Variants in DIP2C observed in about 807,000 individuals in gnomAD.
DIP2C encodes disco-interacting protein 2 homolog C.
Under a neutral mutation model 192.4 loss-of-function variants are expected in DIP2C, and 33 were observed. The ratio of observed to expected loss-of-function variants is 0.17; its 90% CI spans 0.13 to 0.23. DIP2C has a LOEUF of 0.23. Among genes scored for constraint, DIP2C ranks in the 10% least tolerant of loss-of-function variants. The pLI is 1.00. For synonymous variants in DIP2C, 979 were observed against 864.1 expected, an observed-to-expected ratio of 1.13 and a Z score of -2.33; for missense variants, 1,537 against 2,110.1, an observed-to-expected ratio of 0.73 and a Z score of 5.32.
chr10:559,321 G>GGGGGGAACGCC (rs1849069325), intron 1 of DIP2C, among the ~76,000 whole-genome samples: 2 of 133,298 alleles, frequency 1.5e-5, no homozygotes, highest in Admixed American at 1.4e-4. Flanking sequence ...CATGGGGGCG[G>GGGGGGAACGCC]TGGGGAACGC....
rs1564255430 is a variant in DIP2C, at chr10:603,331, AAAC to A, written c.85+86160_85+86162del. 1.2e-4 allele frequency among the ~76,000 whole-genome samples: 15 copies of A among 129,434 alleles called. 1 individual carries two copies. Among genetic ancestry groups the A allele is most frequent in the African/African-American group, 4.5e-4 (14 of 30,860 alleles). The allele number at this position is 129,434 out of a possible 152,430, so 84.9% of individuals were successfully genotyped here. On this transcript the variant is annotated intron_variant, in intron 1 of 36. Coordinates refer to ENST00000280886, the MANE Select transcript of DIP2C (RefSeq NM_014974.3). Reference sequence around the variant, plus strand: ...AAAAAAAAAAAAAAAAAAAAAAAAAAAACCAACCATGAGATTTTGCTGCTTCAT... The same window carrying A: ...AAAAAAAAAAAAAAAAAAAAAAAAAACAACCATGAGATTTTGCTGCTTCAT...
Position 580,892 on chromosome 10 carries a change from A to AC in DIP2C, c.86-94363dup, listed in dbSNP as rs1487632181. 4.6e-5 allele frequency among the ~76,000 whole-genome samples: 7 copies of AC among 152,378 alleles called. No homozygotes were observed. The South Asian group carries it at 8.3e-4, about 18-fold the overall frequency. ...GTTCAGAGGTTTCCTAACATAGTAC[A>AC]CGTCAGGACTGACTCACGATGAAGC... On this transcript the variant is annotated intron_variant, in intron 1 of 36. Coordinates refer to ENST00000280886, the MANE Select transcript of DIP2C (RefSeq NM_014974.3).
At chr10:359,912 C>T (rs1241247537) in intron 22 of DIP2C, among the ~76,000 whole-genome samples, 2 of 152,206 alleles carry the variant, frequency 1.3e-5, no homozygotes, top group South Asian at 2.1e-4. Flanking sequence ...TGAGCCACTG[C>T]GCCTGGCTGA....
At chr10:279,080 AG>A (rs1305560231) in intron 36 of DIP2C, among the ~76,000 whole-genome samples, 1 of 152,216 alleles carries the variant, frequency 6.6e-6, no homozygotes, top group Admixed American at 6.5e-5. Context: ...TTAAATTGAA[AG>A]GGAAAATTGG....
intron 1 of DIP2C, among the ~76,000 whole-genome samples, chr10:540,225 T>C (rs1588422092): frequency 2.6e-5 from 4 of 152,400 alleles, no homozygotes; most frequent in South Asian, 4.1e-4. Flanking sequence ...CCGCAGACAC[T>C]AGACGGTAAC....
intron 4 of DIP2C, among the ~76,000 whole-genome samples, chr10:427,834 A>G (rs993487770): frequency 3.9e-5 from 6 of 152,248 alleles, no homozygotes; most frequent in African/African-American, 1.4e-4. Context: ...TGGTACAGCT[A>G]TTTTGTAAAC....
rs763234702 is a variant in DIP2C, at chr10:345,128, G to A, written c.3232-18C>T. The stretch of plus-strand genomic sequence containing the variant: ...CGACTCACCTGGCATCAGAGAGCGA[G>A]AATGGAGCCATGAACGTGGACCCAG... On this transcript the variant is annotated intron_variant, in intron 26 of 36. Coordinates refer to ENST00000280886, the MANE Select transcript of DIP2C (RefSeq NM_014974.3). 6 of 1,603,948 alleles carry A rather than the reference G, an allele frequency of 3.7e-6. No homozygotes were observed. The highest frequency in any genetic ancestry group is 5.1e-6 in the Non-Finnish European group (6 of 1,176,574).
chr10:612,221 A>G (rs1364264150), intron 1 of DIP2C, among the ~76,000 whole-genome samples: 1 of 151,950 alleles, frequency 6.6e-6, no homozygotes, highest in Non-Finnish European at 1.5e-5. Flanking sequence ...TGAACCCAGG[A>G]GGCGAGGTTG....
intron 9 of DIP2C, among the ~76,000 whole-genome samples, chr10:400,914 C>T (rs1181283327): frequency 6.6e-6 from 1 of 150,838 alleles, no homozygotes; most frequent in East Asian, 2.0e-4. Flanking sequence ...GGTACATTTT[C>T]ATCAGTACAT....
chr10:401,030 GTAGCAT>G (rs1417397267), intron 9 of DIP2C, among the ~76,000 whole-genome samples: 2 of 125,446 alleles, frequency 1.6e-5, no homozygotes, highest in African/African-American at 6.2e-5. Context: ...TACACGTGTG[GTAGCAT>G]TAGCATTACT....
chr10:490,043 C>T (rs569425679), intron 1 of DIP2C, among the ~76,000 whole-genome samples: 1 of 43,170 alleles, frequency 2.3e-5, no homozygotes, highest in African/African-American at 6.6e-5. Flanking sequence ...ACTAGGGACA[C>T]GGTGGCTCTG....
chr10:484,065 T>C (rs1328872169), intron 2 of DIP2C, among the ~76,000 whole-genome samples: 2 of 152,192 alleles, frequency 1.3e-5, no homozygotes, highest in Non-Finnish European at 2.9e-5. Flanking sequence ...TTCCTCAGCC[T>C]CCCCAAGTGC....
chr10:446,806 T>G (rs1169497582), intron 3 of DIP2C, among the ~76,000 whole-genome samples: 1 of 152,228 alleles, frequency 6.6e-6, no homozygotes, highest in Non-Finnish European at 1.5e-5. Context: ...AACAGATGTT[T>G]TTCAGCATCT....
intron 1 of DIP2C, among the ~76,000 whole-genome samples, chr10:549,186 T>G (rs1257228526): frequency 6.6e-6 from 1 of 152,170 alleles, no homozygotes; most frequent in African/African-American, 2.4e-5. Flanking sequence ...AATCAACTGC[T>G]AAGTGCGATA....
intron 10 of DIP2C, among the ~76,000 whole-genome samples, chr10:392,977 G>C (rs530850471): frequency 6.6e-6 from 1 of 152,168 alleles, no homozygotes; most frequent in Non-Finnish European, 1.5e-5. Context: ...AAAGGGCTGC[G>C]GGTCCTCAGT....
intron 5 of DIP2C, among the ~76,000 whole-genome samples, chr10:421,490 G>A (rs2133157349): frequency 6.6e-6 from 1 of 152,124 alleles, no homozygotes; most frequent in Non-Finnish European, 1.5e-5. Context: ...CCACTATCCT[G>A]GGATCCAATA....
At chr10:438,260 T>G (rs1967430590) in intron 4 of DIP2C, among the ~76,000 whole-genome samples, 1 of 152,202 alleles carries the variant, frequency 6.6e-6, no homozygotes, top group Non-Finnish European at 1.5e-5. Flanking sequence ...AGCAAGCAAA[T>G]AACCACACTG....
At chr10:486,771 T>G (rs1297789455) in intron 1 of DIP2C, among the ~76,000 whole-genome samples, 1 of 152,190 alleles carries the variant, frequency 6.6e-6, no homozygotes, top group Non-Finnish European at 1.5e-5. Flanking sequence ...GCCCCTTCTG[T>G]ATTTATCCGG....
intron 6 of DIP2C, among the ~76,000 whole-genome samples, chr10:417,635 CG>C (rs1564684450): frequency 1.6e-3 from 10 of 6,232 alleles, no homozygotes; most frequent in African/African-American, 2.5e-3. Flanking sequence ...TGTCAGGGCT[CG>C]GATAGGCCTC....
Sources: gnomAD v4.1 joint callset for allele counts (sites outside exome capture counted in the v4.1 genomes callset) on GRCh38, gnomAD v4.1.1 for gene constraint, MANE v1.5 for transcripts, NCBI Gene and HGNC (gene_info 2026-07-23, HGNC 2026-07-21) for gene names.